The following MAF variants were observed in gnomAD, a reference collection of about 807,000 sequenced individuals.
MAF encodes transcription factor Maf.
Under a neutral mutation model 22.0 loss-of-function variants are expected in MAF, and 10 were observed. The observed-to-expected ratio is 0.45, with a 90% CI of 0.28 to 0.77. MAF has a LOEUF of 0.77. MAF is among the 30% of genes least tolerant of loss of function. The pLI is 0.12. For missense variants in MAF, 544 were observed against 548.4 expected (o/e 0.99, Z 0.08); for synonymous variants, 337 against 255.8 (o/e 1.32, Z -3.03).
the MAF span, among the ~76,000 whole-genome samples, chr16:79,359,652 G>T: frequency 6.6e-6 from 1 of 152,206 alleles, no homozygotes; most frequent in East Asian, 1.9e-4. Context: ...TAAATAATCT[G>T]ATTTTTTTGA....
At chr16:79,261,624 G>T in the MAF span, among the ~76,000 whole-genome samples, 5 of 152,206 alleles carry the variant, frequency 3.3e-5, no homozygotes, top group African/African-American at 1.2e-4. Flanking sequence ...ACAATTAGAA[G>T]GAGGCCAGGG....
chr16:79,476,887 T>C, the MAF span, among the ~76,000 whole-genome samples: 3 of 152,110 alleles, frequency 2.0e-5, no homozygotes, highest in Non-Finnish European at 4.4e-5. Context: ...CTGCGGGAGC[T>C]CCTGTGTGCA....
the MAF span, among the ~76,000 whole-genome samples, chr16:79,331,774 G>A: frequency 6.6e-6 from 1 of 152,004 alleles, no homozygotes; most frequent in African/African-American, 2.4e-5. Flanking sequence ...CTGCCACTGT[G>A]GCCTCATTCC....
the MAF span, among the ~76,000 whole-genome samples, chr16:79,569,652 T>C: frequency 6.6e-6 from 1 of 152,232 alleles, no homozygotes; most frequent in South Asian, 2.1e-4. Context: ...AGAACAGTGC[T>C]TCTTAGCCTT....
the MAF span, among the ~76,000 whole-genome samples, chr16:79,579,510 A>C: frequency 1.3e-5 from 2 of 152,218 alleles, no homozygotes; most frequent in African/African-American, 4.8e-5. Context: ...TACCGATACC[A>C]AACTTTGATT....
chr16:79,291,913 AC>A, the MAF span, among the ~76,000 whole-genome samples: 1 of 151,066 alleles, frequency 6.6e-6, no homozygotes, highest in Non-Finnish European at 1.5e-5. Context: ...TGTGTGGGTC[AC>A]TGCAGAGAAC....
the MAF span, among the ~76,000 whole-genome samples, chr16:79,431,109 C>T: frequency 6.6e-6 from 1 of 152,192 alleles, no homozygotes; most frequent in African/African-American, 2.4e-5. Context: ...ACTGCCTCCA[C>T]ACCAGGGTAC....
the MAF span, among the ~76,000 whole-genome samples, chr16:79,492,850 A>G: frequency 4.6e-5 from 7 of 152,228 alleles, no homozygotes; most frequent in Non-Finnish European, 8.8e-5. Flanking sequence ...AAGTTAAGAG[A>G]GATATGAGAT....
chr16:79,476,251 G>C, the MAF span, among the ~76,000 whole-genome samples: 1 of 152,132 alleles, frequency 6.6e-6, no homozygotes, highest in African/African-American at 2.4e-5. Flanking sequence ...TGAGTCCCTG[G>C]CCAGGGAACA....
the MAF span, among the ~76,000 whole-genome samples, chr16:79,547,132 G>A: frequency 1.3e-5 from 2 of 151,850 alleles, no homozygotes; most frequent in Non-Finnish European, 1.5e-5. Context: ...TGAGACAGAC[G>A]GTGCAGGGAT....
chr16:79,229,621 G>C, the MAF span, among the ~76,000 whole-genome samples: 4 of 152,056 alleles, frequency 2.6e-5, no homozygotes, highest in Non-Finnish European at 4.4e-5. Flanking sequence ...ACAGGGGCGT[G>C]AGGACAAGGC....
chr16:79,229,120 T>G, the MAF span, among the ~76,000 whole-genome samples: 1 of 116,060 alleles, frequency 8.6e-6, no homozygotes, highest in African/African-American at 3.1e-5. Context: ...TCTCAGAGCT[T>G]CTTCCTTCAA....
the MAF span, among the ~76,000 whole-genome samples, chr16:79,465,690 G>C: frequency 6.6e-6 from 1 of 152,132 alleles, no homozygotes; most frequent in Admixed American, 6.5e-5. Flanking sequence ...CTGTGTGTAC[G>C]TTTCACCTTC....
the MAF span, among the ~76,000 whole-genome samples, chr16:79,311,772 T>G: frequency 6.6e-6 from 1 of 152,168 alleles, no homozygotes; most frequent in African/African-American, 2.4e-5. Flanking sequence ...ATGCCACACC[T>G]GGCAAATCCA....
At chr16:79,522,258 G>A in the MAF span, among the ~76,000 whole-genome samples, 1 of 152,198 alleles carries the variant, frequency 6.6e-6, no homozygotes, top group Non-Finnish European at 1.5e-5. Flanking sequence ...TGAGCTCTCA[G>A]CTCCCCTGGG....
downstream of MAF, among the ~76,000 whole-genome samples, chr16:79,583,544 G>A (rs1912655484): frequency 6.6e-6 from 1 of 152,304 alleles, no homozygotes; most frequent in East Asian, 1.9e-4. Flanking sequence ...ATGGGTCTTA[G>A]CCAGTGTCAG....
chr16:79,220,086 T>C, the MAF span, among the ~76,000 whole-genome samples: 2 of 151,980 alleles, frequency 1.3e-5, no homozygotes, highest in South Asian at 2.1e-4. Flanking sequence ...TGGAACCCTG[T>C]CTCTACTAAA....
At chr16:79,506,972 T>A in the MAF span, among the ~76,000 whole-genome samples, 3 of 152,216 alleles carry the variant, frequency 2.0e-5, no homozygotes, top group African/African-American at 7.2e-5. Context: ...TTTGTGCTCA[T>A]TCCTTCTGTA....
chr16:79,392,088 G>A, the MAF span, among the ~76,000 whole-genome samples: 6 of 149,274 alleles, frequency 4.0e-5, no homozygotes, highest in Non-Finnish European at 8.9e-5. Flanking sequence ...TGCAGAGAAA[G>A]AAAAGAGAAA....
Sources: allele counts gnomAD v4.1 joint callset (sites outside exome capture counted in the v4.1 genomes callset), GRCh38; gene constraint gnomAD v4.1.1; transcripts MANE v1.5; gene names NCBI Gene and HGNC (gene_info 2026-07-23, HGNC 2026-07-21).